The following RELN variants were observed in gnomAD, a reference collection of about 807,000 sequenced individuals.
RELN encodes the protein reelin.
Under a neutral mutation model 427.6 loss-of-function variants are expected in RELN, and 108 were observed. The observed-to-expected ratio is 0.25, with a 90% CI of 0.22 to 0.30. The LOEUF (loss-of-function observed/expected upper bound fraction) is 0.30, where lower values mean the gene tolerates loss of function less well. Ranked by LOEUF, RELN falls within the 10% of genes least tolerant of loss-of-function variation. The pLI, the probability that RELN is intolerant of heterozygous loss-of-function variation, is 1.00. For synonymous variants in RELN, 1,524 were observed against 1,513.4 expected (o/e 1.01, Z -0.16); for missense variants, 3,715 against 4,302.8 (o/e 0.86, Z 3.82).
intron 20 of RELN, among the ~76,000 whole-genome samples, chr7:103,615,654 G>A (rs2117300325): frequency 6.6e-6 from 1 of 152,222 alleles, no homozygotes; most frequent in South Asian, 2.1e-4. Flanking sequence ...GCTAGCCTCA[G>A]GGTCACACAG....
chr7:103,962,463 G>T (rs1796576718), intron 1 of RELN, among the ~76,000 whole-genome samples: 1 of 152,026 alleles, frequency 6.6e-6, no homozygotes, highest in Admixed American at 6.6e-5. Context: ...AATGAGTGAG[G>T]CGCCTCCACC....
chr7:103,481,710 T>C (rs1199295366), intron 63 of RELN, among the ~76,000 whole-genome samples: 1 of 152,230 alleles, frequency 6.6e-6, no homozygotes, highest in Non-Finnish European at 1.5e-5. Flanking sequence ...TTTGGTCTAT[T>C]TGGAAATCTC....
chr7:103,560,588 G>A (rs1189340478), intron 36 of RELN, among the ~76,000 whole-genome samples: 2 of 152,172 alleles, frequency 1.3e-5, no homozygotes, highest in Non-Finnish European at 2.9e-5. Flanking sequence ...TGGGTCAGAT[G>A]TGAGCTAATG....
chr7:103,805,134 A>C (rs919614329), intron 3 of RELN, among the ~76,000 whole-genome samples: 1 of 150,622 alleles, frequency 6.6e-6, no homozygotes, highest in African/African-American at 2.4e-5. Context: ...TGCCACTAAC[A>C]ATCTGGCTGA....
At chr7:103,970,117 T>C (rs1796734170) in intron 1 of RELN, among the ~76,000 whole-genome samples, 1 of 151,950 alleles carries the variant, frequency 6.6e-6, no homozygotes, top group African/African-American at 2.4e-5. Flanking sequence ...TCATACTGTA[T>C]TGTCCATTTT....
chr7:103,951,152 C>A (rs1454051600), intron 1 of RELN, among the ~76,000 whole-genome samples: 2 of 152,066 alleles, frequency 1.3e-5, no homozygotes, highest in African/African-American at 4.8e-5. Context: ...ATGAGTGGGT[C>A]CCCCAGTCCT....
chr7:103,966,625 C>T (rs1009821399), intron 1 of RELN, among the ~76,000 whole-genome samples: 5 of 152,094 alleles, frequency 3.3e-5, no homozygotes, highest in Non-Finnish European at 7.4e-5. Flanking sequence ...AGTTTAACAA[C>T]GCAGAGCTAA....
Position 103,939,693 on chromosome 7 carries a change from C to T in RELN, c.227-22508G>A, listed in dbSNP as rs77924986. ...AGAGATTTATGTTTAATACTATATA[C>T]CACAATGCTATTTACAGTAATGAAA... is the stretch of plus-strand genomic sequence containing the variant. On this transcript the variant is annotated intron_variant, in intron 1 of 64. Transcript: ENST00000428762. Among the ~76,000 whole-genome samples, 188 of 152,258 alleles carry T rather than the reference C, an allele frequency of 1.2e-3. 2 individuals are homozygous for T. The East Asian group carries it at 0.031, about 25-fold the overall frequency.
intron 27 of RELN, among the ~76,000 whole-genome samples, chr7:103,590,806 T>G (rs1458073463): frequency 6.6e-6 from 1 of 152,176 alleles, no homozygotes; most frequent in East Asian, 1.9e-4. Context: ...TTTTCTATTT[T>G]CTCTTCTGAT....
intron 20 of RELN, among the ~76,000 whole-genome samples, chr7:103,615,839 A>G (rs774430838): frequency 6.6e-6 from 1 of 152,228 alleles, no homozygotes; most frequent in Non-Finnish European, 1.5e-5. Flanking sequence ...TAAATGCTGT[A>G]ATGAATACCG....
chr7:103,874,327 A>G (rs1442774230), intron 2 of RELN, among the ~76,000 whole-genome samples: 5 of 136,912 alleles, frequency 3.7e-5, no homozygotes, highest in Non-Finnish European at 4.8e-5. Flanking sequence ...CACCACTCCT[A>G]TTCAACATAG....
Position 103,989,356 on chromosome 7 carries a change from T to TGCCACC in RELN, c.-1_1insGGTGGC. ...TGCCGGGCCCAGCCACTGCGCTCCA[T>TGCCACC]GCCGCCGCCGCCGCCGCCGCCGCCG... On this transcript the variant is annotated 5_prime_UTR_variant, in exon 1 of 65. Transcript: ENST00000428762. The surrounding 1 kb of genome is among the most constrained non-coding windows in gnomAD (Gnocchi z 4.9). The TGCCACC allele has an allele frequency of 1.4e-6, 2 of 1,407,848 alleles. No homozygotes were observed. The highest frequency in any genetic ancestry group is 3.1e-5 in the East Asian group (1 of 31,804). 87.2% of individuals were successfully genotyped at this position (1,407,848 alleles called of 1,614,324 possible). A position where few individuals can be genotyped will look rare whatever the true frequency, so the allele number is the denominator to read the frequency against.
chr7:103,885,155 C>G (rs533247995), intron 2 of RELN, among the ~76,000 whole-genome samples: 5 of 151,878 alleles, frequency 3.3e-5, no homozygotes, highest in African/African-American at 1.2e-4. Flanking sequence ...CTGGCTAACA[C>G]GGTGAAACCC....
At chr7:103,717,359 A>T (rs1258993260) in intron 8 of RELN, among the ~76,000 whole-genome samples, 1 of 150,484 alleles carries the variant, frequency 6.6e-6, no homozygotes, top group East Asian at 1.9e-4. Context: ...CATTTAAAAA[A>T]ATAAACATTC....
intron 22 of RELN, among the ~76,000 whole-genome samples, chr7:103,607,093 G>C (rs1358465220): frequency 1.7e-5 from 2 of 115,680 alleles, no homozygotes. Flanking sequence ...TTGGACATTT[G>C]TGGGGTGGGG....
intron 6 of RELN, among the ~76,000 whole-genome samples, chr7:103,744,283 T>C (rs1214995541): frequency 6.6e-6 from 1 of 151,978 alleles, no homozygotes; most frequent in African/African-American, 2.4e-5. Flanking sequence ...TGGAAATTTA[T>C]AGCACTAAAT....
chr7:103,574,016 AG>A, intron 30 of RELN, 75 bp downstream of exon 30: 1 of 1,103,454 alleles, frequency 9.1e-7, no homozygotes, highest in South Asian at 1.2e-5. Context: ...ATAACAGAAC[AG>A]AATGTTTTAA....
intron 2 of RELN, among the ~76,000 whole-genome samples, chr7:103,914,178 CTT>C (rs948918016): frequency 1.3e-5 from 2 of 152,084 alleles, no homozygotes; most frequent in African/African-American, 4.8e-5. Context: ...CAATTTTATT[CTT>C]TGTTTGTTTG....
intron 8 of RELN, among the ~76,000 whole-genome samples, chr7:103,712,815 T>C (rs531809667): frequency 6.6e-6 from 1 of 152,320 alleles, no homozygotes; most frequent in East Asian, 1.9e-4. Flanking sequence ...ATCTATTTTG[T>C]TTTACTTTTA....
Sources: gnomAD v4.1 joint callset for allele counts (sites outside exome capture counted in the v4.1 genomes callset) on GRCh38, gnomAD v4.1.1 for gene constraint, Gnocchi (gnomAD v3.1) non-coding constraint, MANE v1.5 for transcripts, NCBI Gene and HGNC (gene_info 2026-07-23, HGNC 2026-07-21) for gene names.